MAD1L1: variants seen among roughly 807,000 people sequenced by gnomAD.
MAD1L1 encodes mitotic spindle assembly checkpoint protein MAD1.
Under a neutral mutation model 96.9 loss-of-function variants are expected in MAD1L1, and 95 were observed. The observed-to-expected ratio is 0.98, with a 90% CI of 0.83 to 1.16. The LOEUF is 1.16. MAD1L1 is among the 50% of genes most tolerant of loss of function. MAD1L1 has a pLI of 0.00. For missense variants in MAD1L1, 1,007 were observed against 954.4 expected (o/e 1.06, Z -0.73); for synonymous variants, 473 against 396.6 (o/e 1.19, Z -2.29).
At chr7:2,033,832 C>T (rs73047040) in intron 12 of MAD1L1, among the ~76,000 whole-genome samples, 5,295 of 152,300 alleles carry the variant, frequency 0.035, 193 homozygotes, top group Admixed American at 0.098. Flanking sequence ...AATCAGACTG[C>T]GGTGGCTCAC....
intron 11 of MAD1L1, 50 bp from the exon 12 acceptor site, chr7:2,069,388 C>A: frequency 6.8e-7 from 1 of 1,467,806 alleles, no homozygotes; most frequent in Non-Finnish European, 9.0e-7. Context: ...GGGTGACCAC[C>A]CCACCAAGCC....
At chr7:1,966,030 C>G (rs1014066352) in intron 15 of MAD1L1, among the ~76,000 whole-genome samples, 3 of 152,156 alleles carry the variant, frequency 2.0e-5, no homozygotes, top group African/African-American at 7.2e-5. Context: ...GAGCTGAGGG[C>G]GTCCCTGGGT....
chr7:1,821,097 G>T (rs10265212), intron 18 of MAD1L1, among the ~76,000 whole-genome samples: 1 of 146,798 alleles, frequency 6.8e-6, no homozygotes, highest in Non-Finnish European at 1.5e-5. Flanking sequence ...AAAAAAAGGG[G>T]GGGGGGAGAG....
intron 6 of MAD1L1, 75 bp from the exon 7 acceptor site, chr7:2,218,118 C>G (rs1219227519): frequency 8.9e-7 from 1 of 1,118,010 alleles, no homozygotes; most frequent in East Asian, 2.4e-5. Context: ...GCCTGAGACC[C>G]GCCCCAGCAC....
intron 9 of MAD1L1, among the ~76,000 whole-genome samples, chr7:2,215,085 T>C (rs1335740720): frequency 6.6e-6 from 1 of 151,876 alleles, no homozygotes; most frequent in African/African-American, 2.4e-5. Flanking sequence ...AAATTTAACA[T>C]TTAAAAAGCC....
intron 12 of MAD1L1, among the ~76,000 whole-genome samples, chr7:2,041,367 C>A (rs879474322): frequency 2.7e-5 from 4 of 147,422 alleles, no homozygotes; most frequent in Admixed American, 2.7e-4. Flanking sequence ...GTCTCCTAGT[C>A]TGGGGCTGGG....
intron 12 of MAD1L1, among the ~76,000 whole-genome samples, chr7:2,066,591 G>C (rs989819802): frequency 2.0e-5 from 3 of 152,208 alleles, no homozygotes; most frequent in African/African-American, 7.2e-5. Context: ...AAGCAGAGCA[G>C]AGAAGAACAG....
chr7:1,934,817 A>T (rs1379310352), intron 17 of MAD1L1, among the ~76,000 whole-genome samples: 3 of 150,592 alleles, frequency 2.0e-5, no homozygotes. Flanking sequence ...CAACAGGGGA[A>T]CAAACAGATG....
chr7:2,157,891 C>G (rs1022776097), intron 10 of MAD1L1, among the ~76,000 whole-genome samples: 9 of 152,162 alleles, frequency 5.9e-5, no homozygotes, highest in African/African-American at 1.9e-4. Context: ...GCTAAGTGCT[C>G]GTAACCAGGA....
intron 10 of MAD1L1, among the ~76,000 whole-genome samples, chr7:2,161,109 G>GCC (rs1562741689): frequency 1.9e-4 from 2 of 10,676 alleles, no homozygotes; most frequent in Admixed American, 1.3e-3. Flanking sequence ...TGGAGCCCCT[G>GCC]CCCCTCCCCC....
chr7:1,833,291 G>C (rs1230742103), intron 18 of MAD1L1, among the ~76,000 whole-genome samples: 1 of 152,198 alleles, frequency 6.6e-6, no homozygotes, highest in African/African-American at 2.4e-5. Context: ...CTTACTGACA[G>C]TGCAACTCTG....
At chr7:1,891,693 G>A (rs568023894) in intron 18 of MAD1L1, among the ~76,000 whole-genome samples, 1 of 152,178 alleles carries the variant, frequency 6.6e-6, no homozygotes, top group East Asian at 1.9e-4. Flanking sequence ...TAATTCTCCC[G>A]CCTCAGCCTC....
rs1789878537 is a variant in MAD1L1 at position 2,156,914 on chromosome 7, G to A, written c.987-7676C>T. 1.3e-5 allele frequency among the ~76,000 whole-genome samples: 2 copies of A among 152,022 alleles called. 1 individual carries two copies. Among genetic ancestry groups the A allele is most frequent in the South Asian group, 4.1e-4 (2 of 4,828 alleles). On this transcript the variant is annotated intron_variant, in intron 10 of 18. Transcript: ENST00000265854. ...GCAGAAAATAACCCTACAGCCTTCTGGGCAAGTTACCAAAGGCAATTCTTT... is the reference window on the plus strand; with the variant it reads ...GCAGAAAATAACCCTACAGCCTTCTAGGCAAGTTACCAAAGGCAATTCTTT...
chr7:1,883,177 G>C (rs189508146), intron 18 of MAD1L1, among the ~76,000 whole-genome samples: 2 of 149,426 alleles, frequency 1.3e-5, no homozygotes, highest in East Asian at 4.2e-4. Context: ...CAAACCTCGT[G>C]TCACAAACGA....
At chr7:2,089,086 C>G (rs1332629683) in intron 11 of MAD1L1, 2 of 152,296 alleles carry the variant, frequency 1.3e-5, no homozygotes, top group Non-Finnish European at 2.9e-5. Context: ...GCGGCTCACA[C>G]GGCCGACTCG....
At chr7:1,858,861 G>A (rs973055902) in intron 18 of MAD1L1, among the ~76,000 whole-genome samples, 1 of 152,212 alleles carries the variant, frequency 6.6e-6, no homozygotes, top group African/African-American at 2.4e-5. Context: ...TGGCTTCAGG[G>A]ACAGGGCCTG....
At chr7:2,068,617 C>G (rs956558754) in intron 12 of MAD1L1, among the ~76,000 whole-genome samples, 1 of 152,180 alleles carries the variant, frequency 6.6e-6, no homozygotes. Context: ...TCTTTCCCGC[C>G]TTGTCTTCTG....
chr7:2,113,657 A>G (rs944732516), intron 11 of MAD1L1, among the ~76,000 whole-genome samples: 2 of 152,128 alleles, frequency 1.3e-5, no homozygotes, highest in Non-Finnish European at 2.9e-5. Context: ...ATCAGAACAA[A>G]AGCCGCAGCC....
intron 10 of MAD1L1, 111 bp downstream of exon 10, chr7:2,213,101 C>G: frequency 8.7e-7 from 1 of 1,146,746 alleles, no homozygotes; most frequent in Non-Finnish European, 1.3e-6. Context: ...CCCGCACCAG[C>G]CACAGAGATG....
Sources: gnomAD v4.1 joint callset for allele counts (sites outside exome capture counted in the v4.1 genomes callset) on GRCh38, gnomAD v4.1.1 for gene constraint, MANE v1.5 for transcripts, NCBI Gene and HGNC (gene_info 2026-07-23, HGNC 2026-07-21) for gene names.